MAGI2: variants seen among roughly 807,000 people sequenced by gnomAD.
MAGI2 encodes the protein membrane associated guanylate kinase, WW and PDZ domain containing 2, also known as membrane-associated guanylate kinase, WW and PDZ domain-containing protein 2.
Under a neutral mutation model 133.3 loss-of-function variants are expected in MAGI2, and 35 were observed. The ratio of observed to expected loss-of-function variants is 0.26; its 90% CI spans 0.20 to 0.35. MAGI2 has a LOEUF of 0.35. MAGI2 is among the 10% of genes least tolerant of loss of function. The probability of loss-of-function intolerance (pLI) is 1.00; values close to 1 mark genes in which losing one functional copy is unlikely to be tolerated. For missense variants in MAGI2, 1,636 were observed against 1,863.4 expected (o/e 0.88, Z 2.25); for synonymous variants, 729 against 710.6 (o/e 1.03, Z -0.41).
At chr7:79,125,929 T>TA (rs1474280680) in intron 1 of MAGI2, among the ~76,000 whole-genome samples, 9 of 152,240 alleles carry the variant, frequency 5.9e-5, no homozygotes, top group African/African-American at 2.2e-4. Flanking sequence ...TGGCAGTGCC[T>TA]AGCTGCTACA....
chr7:78,212,717 T>C (rs2150808210), intron 10 of MAGI2, among the ~76,000 whole-genome samples: 1 of 152,348 alleles, frequency 6.6e-6, no homozygotes, highest in East Asian at 1.9e-4. Flanking sequence ...TCCATGTGAA[T>C]TCTAGTTTCA....
intron 6 of MAGI2, among the ~76,000 whole-genome samples, chr7:78,467,017 G>A (rs1226618523): frequency 1.3e-5 from 2 of 152,138 alleles, no homozygotes; most frequent in African/African-American, 4.8e-5. Flanking sequence ...CCTAGTGGTA[G>A]GCACTATAAG....
rs541485827 is a variant in MAGI2, at chr7:79,088,890, C to T, written c.302-81684G>A. Among the ~76,000 whole-genome samples the T allele has an allele frequency of 2.6e-5, 4 of 152,008 alleles. No homozygotes were observed. The East Asian group carries it at 7.8e-4, about 30-fold the overall frequency. The stretch of plus-strand genomic sequence containing the variant: ...ATACCATTCAGGACATAGGCATGGG[C>T]AAAGACTTCATGACTGAAACATCAA... On this transcript the variant is annotated intron_variant, in intron 1 of 21. Coordinates refer to ENST00000354212, the MANE Select transcript of MAGI2 (RefSeq NM_012301.4).
chr7:78,104,308 C>T (rs1377197369), intron 20 of MAGI2, among the ~76,000 whole-genome samples: 3 of 151,992 alleles, frequency 2.0e-5, no homozygotes, highest in Admixed American at 1.3e-4. Flanking sequence ...CTGCAAGCTC[C>T]GCCTCCTGGG....
intron 2 of MAGI2, among the ~76,000 whole-genome samples, chr7:78,961,085 T>C (rs1217059067): frequency 6.6e-6 from 1 of 152,136 alleles, no homozygotes; most frequent in African/African-American, 2.4e-5. Flanking sequence ...TTGGAATTAG[T>C]TTAATTACAA....
chr7:78,676,717 G>A (rs137997244), intron 2 of MAGI2, among the ~76,000 whole-genome samples: 135 of 151,980 alleles, frequency 8.9e-4, no homozygotes, highest in African/African-American at 2.9e-3. Flanking sequence ...TTACATTATG[G>A]ATGAATAATC....
intron 4 of MAGI2, among the ~76,000 whole-genome samples, chr7:78,511,089 T>C (rs1418762647): frequency 6.6e-6 from 1 of 152,168 alleles, no homozygotes; most frequent in East Asian, 1.9e-4. Flanking sequence ...TATTGGATTG[T>C]GGTGGGAGGA....
intron 2 of MAGI2, among the ~76,000 whole-genome samples, chr7:78,653,914 C>T (rs1405953818): frequency 6.6e-6 from 1 of 151,900 alleles, no homozygotes; most frequent in Non-Finnish European, 1.5e-5. Context: ...TGAATAAATG[C>T]AAGGAATGTG....
At chr7:78,955,250 AAT>A (rs1397380091) in intron 2 of MAGI2, among the ~76,000 whole-genome samples, 1 of 152,068 alleles carries the variant, frequency 6.6e-6, no homozygotes, top group Non-Finnish European at 1.5e-5. Context: ...ACTATAGTAG[AAT>A]ATATGTCTTT....
intron 1 of MAGI2, among the ~76,000 whole-genome samples, chr7:79,156,851 T>C (rs933673588): frequency 6.6e-6 from 1 of 152,050 alleles, no homozygotes; most frequent in African/African-American, 2.4e-5. Flanking sequence ...GCATCCAACA[T>C]AGGGCCTCAG....
chr7:79,009,914 T>C (rs1486836917), intron 1 of MAGI2, among the ~76,000 whole-genome samples: 1 of 152,114 alleles, frequency 6.6e-6, no homozygotes, highest in Admixed American at 6.6e-5. Context: ...TGTCAGTAAC[T>C]ACATATCTTA....
chr7:79,248,167 G>A (rs1013882356), intron 1 of MAGI2, among the ~76,000 whole-genome samples: 7 of 151,976 alleles, frequency 4.6e-5, no homozygotes, highest in Non-Finnish European at 5.9e-5. Context: ...TAAGGAGATG[G>A]AAAAAGATAT....
rs1005408979 is a variant in MAGI2 at position 78,427,970 on chromosome 7, C to G, written c.1046-58757G>C. Among the ~76,000 whole-genome samples, 10 of 152,146 alleles carry G rather than the reference C, an allele frequency of 6.6e-5. No individual in the cohort carries two copies. The East Asian group carries it at 1.9e-3, about 29-fold the overall frequency. ...CTCCACCCCATGGGAATTTTTCATC[C>G]TATGCCATCTCCTGTGAACTTCCAG... On this transcript the variant is annotated intron_variant, in intron 6 of 21. Transcript: ENST00000354212.
chr7:79,137,153 C>A (rs1821655948), intron 1 of MAGI2, among the ~76,000 whole-genome samples: 1 of 152,030 alleles, frequency 6.6e-6, no homozygotes, highest in Non-Finnish European at 1.5e-5. Flanking sequence ...TGGGAAAGGA[C>A]TTCCCTGCTA....
intron 2 of MAGI2, among the ~76,000 whole-genome samples, chr7:78,988,155 A>G (rs956163422): frequency 6.6e-6 from 1 of 152,036 alleles, no homozygotes; most frequent in Non-Finnish European, 1.5e-5. Context: ...AGGGGACGAG[A>G]GATGAAGGAA....
intron 1 of MAGI2, among the ~76,000 whole-genome samples, chr7:79,298,008 G>A (rs1046692798): frequency 6.6e-6 from 1 of 152,156 alleles, no homozygotes; most frequent in African/African-American, 2.4e-5. Flanking sequence ...AGATCAGCAA[G>A]GACTAAAACC....
intron 10 of MAGI2, among the ~76,000 whole-genome samples, chr7:78,206,567 A>T (rs532169841): frequency 6.6e-6 from 1 of 152,296 alleles, no homozygotes; most frequent in South Asian, 2.1e-4. Flanking sequence ...GTGGAATTAC[A>T]GGCGTGAGCC....
At chr7:78,444,880 T>C (rs1787978966) in intron 6 of MAGI2, among the ~76,000 whole-genome samples, 1 of 146,810 alleles carries the variant, frequency 6.8e-6, no homozygotes, top group African/African-American at 2.5e-5. Context: ...TTTATATTTA[T>C]ATGTATACAT....
At chr7:78,317,034 C>A (rs1394177695) in intron 9 of MAGI2, among the ~76,000 whole-genome samples, 1 of 143,746 alleles carries the variant, frequency 7.0e-6, no homozygotes, top group East Asian at 2.1e-4. Flanking sequence ...GCTTATTTCC[C>A]AAATGGCACA....
Sources: gnomAD v4.1 joint callset for allele counts (sites outside exome capture counted in the v4.1 genomes callset) on GRCh38, gnomAD v4.1.1 for gene constraint, MANE v1.5 for transcripts, NCBI Gene and HGNC (gene_info 2026-07-23, HGNC 2026-07-21) for gene names.